Variants in PKD2 observed in about 807,000 individuals in gnomAD.
PKD2 encodes polycystin 2, transient receptor potential cation channel, also known as polycystin-2.
Under a neutral mutation model 105.9 loss-of-function variants are expected in PKD2, and 48 were observed. The ratio of observed to expected loss-of-function variants is 0.45; its 90% CI spans 0.36 to 0.58. The LOEUF is 0.58. PKD2 is among the 20% of genes least tolerant of loss of function. PKD2 has a pLI of 0.00. For missense variants in PKD2, 1,078 were observed against 1,255.3 expected (o/e 0.86, Z 2.13); for synonymous variants, 464 against 481.1 (o/e 0.96, Z 0.46).
intron 2 of PKD2, among the ~76,000 whole-genome samples, chr4:88,027,773 C>T (rs539091798): frequency 2.6e-5 from 4 of 152,176 alleles, no homozygotes; most frequent in Non-Finnish European, 5.9e-5. Context: ...TTCCCCCATG[C>T]TGTTTGCATG....
intron 1 of PKD2, among the ~76,000 whole-genome samples, chr4:88,011,340 TC>T (rs1189965300): frequency 2.0e-5 from 3 of 151,554 alleles, no homozygotes; most frequent in African/African-American, 7.3e-5. Flanking sequence ...TTTTTTTTTT[TC>T]CTAGAGAAAC....
chr4:88,027,264 G>A (rs993893559), intron 2 of PKD2, among the ~76,000 whole-genome samples: 17 of 152,246 alleles, frequency 1.1e-4, no homozygotes, highest in East Asian at 5.8e-4. Context: ...AGCCACAGAG[G>A]TGGAGCTGTC....
At chr4:88,065,267 C>G in intron 10 of PKD2, 107 bp from the exon 11 acceptor site, 1 of 944,552 alleles carries the variant, frequency 1.1e-6, no homozygotes, top group Non-Finnish European at 1.7e-6. Context: ...TGTTGAATGG[C>G]CAATGTACAC....
Position 88,056,145 on chromosome 4 carries a change from A to T in PKD2, c.1776A>T (p.Arg592=). The change falls in exon 8 of 15, where the codon CGA becomes CGT. Residue 592 remains arginine (R), a synonymous_variant. Coordinates refer to ENST00000237596, the MANE Select transcript of PKD2 (RefSeq NM_000297.4). ...TMSQLSTTMS[R]CAKDLFGFAI... ...GCCAGCTCTCGACAACCATGTCTCG[A>T]TGTGCCAAAGACCTGTTTGGCTTTG... 1 of 1,613,410 alleles carries T rather than the reference A, an allele frequency of 6.2e-7. No individual in the cohort carries two copies. Among genetic ancestry groups the T allele is most frequent in the Non-Finnish European group, 8.5e-7 (1 of 1,179,360 alleles).
chr4:88,036,185 C>T (rs532990078), intron 2 of PKD2, 35 bp from the exon 3 acceptor site: 4 of 1,613,636 alleles, frequency 2.5e-6, no homozygotes, highest in East Asian at 2.2e-5. Flanking sequence ...TGCCGGTTCC[C>T]TTGGGGCGTT....
chr4:88,019,380 C>A, intron 1 of PKD2, 78 bp from the exon 2 acceptor site: 1 of 757,648 alleles, frequency 1.3e-6, no homozygotes. Flanking sequence ...TTAATTTGTG[C>A]TTTATTTTCC....
chr4:88,040,257 A>T (rs975349353), intron 4 of PKD2, among the ~76,000 whole-genome samples: 1 of 152,014 alleles, frequency 6.6e-6, no homozygotes, highest in African/African-American at 2.4e-5. Flanking sequence ...TTCCTCCTCC[A>T]TATTAATTGC....
At position 88,051,975 on chromosome 4, in the gene PKD2, A is replaced by G. The variant is rs767706213; in HGVS notation, c.1549-16A>G. The G allele has an allele frequency of 2.0e-5, 29 of 1,423,258 alleles. 1 individual carries two copies. In the South Asian group the frequency reaches 3.1e-4, roughly 15 times the overall value. The allele number at this position is 1,423,258 out of a possible 1,614,324, so 88.2% of individuals were successfully genotyped here. A position where few individuals can be genotyped will look rare whatever the true frequency, so the allele number is the denominator to read the frequency against. On this transcript the variant is annotated splice_polypyrimidine_tract_variant and intron_variant, in intron 6 of 14. Transcript: ENST00000237596. ...TCTAAAACACTGTAATAAAATATAA[A>G]TATTTTGCTTTTCAGCTGTCAGTGG...
chr4:88,073,806 T>C (rs2110149506), intron 13 of PKD2, among the ~76,000 whole-genome samples: 1 of 152,318 alleles, frequency 6.6e-6, no homozygotes, highest in South Asian at 2.1e-4. Flanking sequence ...TTTCTAGAAA[T>C]TTTTAATATT....
At chr4:88,074,777 G>T in intron 13 of PKD2, 35 bp from the exon 14 acceptor site, 1 of 1,612,692 alleles carries the variant, frequency 6.2e-7, no homozygotes, top group Non-Finnish European at 8.5e-7. Context: ...ACAATGACAA[G>T]CACTTTGTCC....
At chr4:88,063,527 G>A (rs1485936424) in intron 10 of PKD2, among the ~76,000 whole-genome samples, 13 of 145,878 alleles carry the variant, frequency 8.9e-5, no homozygotes, top group East Asian at 4.2e-4. Flanking sequence ...GCGAAACTCC[G>A]TCTCAAAAAA....
intron 6 of PKD2, among the ~76,000 whole-genome samples, chr4:88,051,468 G>A (rs1046825079): frequency 1.3e-5 from 2 of 152,128 alleles, no homozygotes; most frequent in Non-Finnish European, 2.9e-5. Context: ...CTTAGCCCTT[G>A]CACAGTGCTG....
intron 7 of PKD2, among the ~76,000 whole-genome samples, chr4:88,052,738 C>T (rs1342793339): frequency 2.0e-5 from 3 of 151,994 alleles, no homozygotes; most frequent in Admixed American, 2.0e-4. Context: ...GGGCCCCAGG[C>T]TGCTAACAGA....
At chr4:88,075,401 C>A in intron 14 of PKD2, 57 bp from the exon 15 acceptor site, 1 of 1,232,778 alleles carries the variant, frequency 8.1e-7, no homozygotes, top group Non-Finnish European at 1.2e-6. Context: ...GGTCCCTGGA[C>A]TTCCTAAGGC....
intron 2 of PKD2, among the ~76,000 whole-genome samples, chr4:88,025,558 G>A (rs1181503840): frequency 6.6e-6 from 1 of 151,450 alleles, no homozygotes; most frequent in African/African-American, 2.4e-5. Context: ...AGACTGCAGT[G>A]AGCTGTGGTC....
intron 2 of PKD2, among the ~76,000 whole-genome samples, chr4:88,035,005 A>C (rs1462845782): frequency 6.6e-6 from 1 of 152,208 alleles, no homozygotes; most frequent in Non-Finnish European, 1.5e-5. Context: ...AAGAGCCACC[A>C]TTATTGAACA....
rs1032445911 is a variant in PKD2, at chr4:88,008,119, C to G, written c.386C>G (p.Ser129Trp). ...GGCAGCCGGAGGTCGGCCGCCTCCT[C>G]GGCCGTGAGCTCCGTGGGCGCGCGG... ...RPGSRRSAAS[S>W]AVSSVGARSR... The change falls in exon 1 of 15, where the codon TCG becomes TGG. Residue 129 changes from serine (S) to tryptophan (W), a missense_variant. This residue lies in a region of PKD2 where 868 missense variants were observed against 1,067.3 expected (regional missense o/e 0.81). Coordinates refer to ENST00000237596, the MANE Select transcript of PKD2 (RefSeq NM_000297.4). 57 of 1,503,508 alleles carry G rather than the reference C, an allele frequency of 3.8e-5. No individual in the cohort carries two copies. Among genetic ancestry groups the G allele is most frequent in the Non-Finnish European group, 5.0e-5 (57 of 1,131,150 alleles). The allele number at this position is 1,503,508 out of a possible 1,614,324, so 93.1% of individuals were successfully genotyped here.
intron 2 of PKD2, among the ~76,000 whole-genome samples, chr4:88,019,778 A>G (rs1726685698): frequency 6.6e-6 from 1 of 152,192 alleles, no homozygotes; most frequent in African/African-American, 2.4e-5. Flanking sequence ...AAGAGAAGGG[A>G]CGTGATTTGT....
chr4:88,036,835 T>G (rs1560607627), intron 3 of PKD2, among the ~76,000 whole-genome samples: 2 of 152,248 alleles, frequency 1.3e-5, no homozygotes, highest in Admixed American at 1.3e-4. Context: ...GTGGTTCTTC[T>G]GTCTTGCTTC....
Sources: allele counts gnomAD v4.1 joint callset (sites outside exome capture counted in the v4.1 genomes callset), GRCh38; gene constraint gnomAD v4.1.1; regional missense constraint gnomAD v4.1.1; transcripts MANE v1.5; gene names NCBI Gene and HGNC (gene_info 2026-07-23, HGNC 2026-07-21).